The following CCBE1 variants were observed in gnomAD, a reference collection of about 807,000 sequenced individuals.
CCBE1 encodes the protein collagen and calcium binding EGF domains 1.
In CCBE1, 37 loss-of-function variants were observed where a neutral mutation model predicts 50.0. That is an observed-to-expected ratio of 0.74 (90% CI 0.57 to 0.97). The LOEUF is 0.97. Among genes scored for constraint, CCBE1 ranks in the 50% least tolerant of loss-of-function variants. The probability of loss-of-function intolerance (pLI) is 0.00; values close to 1 mark genes in which losing one functional copy is unlikely to be tolerated. For synonymous variants in CCBE1, 234 were observed against 203.7 expected (o/e 1.15, Z -1.27); for missense variants, 538 against 523.8 (o/e 1.03, Z -0.26).
In CCBE1 at chr18:59,697,356, G is replaced by C; in HGVS notation, c.-14C>G. 2 of 1,544,756 alleles carry C rather than the reference G, an allele frequency of 1.3e-6. No individual in the cohort carries two copies. The highest frequency in any genetic ancestry group is 2.4e-5 in the South Asian group (2 of 83,912). On this transcript the variant is annotated 5_prime_UTR_variant, in exon 1 of 11. Transcript: ENST00000439986. ...CGGCGGCACCATCAGGGAAGCTCCC[G>C]GCTTCTTCCCAGCGCCGAGCTCCGT...
At chr18:59,493,943 CTCTT>C (rs1417275440) in intron 2 of CCBE1, among the ~76,000 whole-genome samples, 8 of 152,172 alleles carry the variant, frequency 5.3e-5, no homozygotes, top group African/African-American at 1.2e-4. Context: ...CAAGCTCTCT[CTCTT>C]TGCCTGCCAC....
At chr18:59,438,272 A>G (rs1910253151) in intron 9 of CCBE1, 126 bp from the exon 10 acceptor site, 1 of 886,648 alleles carries the variant, frequency 1.1e-6, no homozygotes, top group African/African-American at 1.7e-5. Context: ...TAGAAAACAT[A>G]TGTAAAACTG....
intron 7 of CCBE1, among the ~76,000 whole-genome samples, chr18:59,440,250 A>G (rs948209358): frequency 2.0e-5 from 3 of 152,168 alleles, no homozygotes; most frequent in African/African-American, 7.2e-5. Flanking sequence ...AGCATCAGGG[A>G]GACTTGGGTT....
chr18:59,506,970 GC>G (rs1049174081), intron 2 of CCBE1, among the ~76,000 whole-genome samples: 1 of 151,998 alleles, frequency 6.6e-6, no homozygotes, highest in African/African-American at 2.4e-5. Context: ...CTCTCTTTCA[GC>G]CCCTCTACTC....
chr18:59,691,051 A>C (rs1344449950), intron 2 of CCBE1, among the ~76,000 whole-genome samples: 1 of 152,264 alleles, frequency 6.6e-6, no homozygotes, highest in Non-Finnish European at 1.5e-5. Flanking sequence ...TGGTTTTTAG[A>C]AGAGTCTTCC....
intron 2 of CCBE1, among the ~76,000 whole-genome samples, chr18:59,500,785 C>T (rs1225180398): frequency 6.6e-6 from 1 of 152,218 alleles, no homozygotes; most frequent in Non-Finnish European, 1.5e-5. Flanking sequence ...ACCACACACT[C>T]AGGACCTGCT....
intron 2 of CCBE1, among the ~76,000 whole-genome samples, chr18:59,632,299 T>C (rs868001396): frequency 1.3e-5 from 2 of 152,318 alleles, no homozygotes; most frequent in Non-Finnish European, 1.5e-5. Flanking sequence ...GGGAACAATC[T>C]GGTTTTTTTG....
At chr18:59,679,914 A>T (rs2054562373) in intron 2 of CCBE1, among the ~76,000 whole-genome samples, 1 of 152,178 alleles carries the variant, frequency 6.6e-6, no homozygotes, top group African/African-American at 2.4e-5. Context: ...GGTAAGAGAC[A>T]TGGTTACATT....
At chr18:59,521,626 G>C (rs1332194859) in intron 2 of CCBE1, among the ~76,000 whole-genome samples, 1 of 152,120 alleles carries the variant, frequency 6.6e-6, no homozygotes, top group Admixed American at 6.6e-5. Flanking sequence ...TACCTCGTTT[G>C]AGGCTCAGGT....
chr18:59,672,860 G>T (rs974655950), intron 2 of CCBE1, among the ~76,000 whole-genome samples: 15 of 152,274 alleles, frequency 9.9e-5, no homozygotes, highest in African/African-American at 3.6e-4. Context: ...TGGGGGGAAG[G>T]GTGGGAAGGA....
intron 2 of CCBE1, among the ~76,000 whole-genome samples, chr18:59,623,643 C>A (rs1207721010): frequency 6.6e-6 from 1 of 152,120 alleles, no homozygotes; most frequent in East Asian, 1.9e-4. Flanking sequence ...CCTGTACGTG[C>A]TAGGAGACCC....
chr18:59,692,862 C>G (rs2054751147), intron 2 of CCBE1, among the ~76,000 whole-genome samples: 1 of 144,082 alleles, frequency 6.9e-6, no homozygotes. Context: ...ACTTAGCCTC[C>G]ACGTGGAGTT....
chr18:59,483,242 G>GA (rs11356777), intron 2 of CCBE1, among the ~76,000 whole-genome samples: 1 of 138,184 alleles, frequency 7.2e-6, no homozygotes, highest in Non-Finnish European at 1.6e-5. Context: ...AAAATGTGAT[G>GA]AAAAAAATTA....
At chr18:59,591,761 A>G (rs1275757592) in intron 2 of CCBE1, among the ~76,000 whole-genome samples, 1 of 152,210 alleles carries the variant, frequency 6.6e-6, no homozygotes, top group East Asian at 1.9e-4. Flanking sequence ...TAAAACAGAA[A>G]CTACAAGTCC....
chr18:59,571,590 G>A (rs151032375), intron 2 of CCBE1, among the ~76,000 whole-genome samples: 68 of 152,164 alleles, frequency 4.5e-4, no homozygotes, highest in African/African-American at 1.5e-3. Context: ...AAACCTGCAC[G>A]TTGTGCGCAT....
intron 6 of CCBE1, among the ~76,000 whole-genome samples, chr18:59,451,489 C>T (rs1910930087): frequency 2.0e-5 from 3 of 149,592 alleles, no homozygotes; most frequent in African/African-American, 7.4e-5. Flanking sequence ...TTTAAGTGCT[C>T]TCGCGGGACA....
At chr18:59,650,848 C>A (rs1249651496) in intron 2 of CCBE1, among the ~76,000 whole-genome samples, 1 of 151,418 alleles carries the variant, frequency 6.6e-6, no homozygotes, top group Admixed American at 6.6e-5. Context: ...CCTCGGTGGC[C>A]AAGCAGAAGC....
intron 2 of CCBE1, among the ~76,000 whole-genome samples, chr18:59,673,652 G>A (rs1003320678): frequency 6.6e-6 from 1 of 152,166 alleles, no homozygotes; most frequent in Non-Finnish European, 1.5e-5. Flanking sequence ...TTAACATGAA[G>A]CAGTGTTGAA....
intron 2 of CCBE1, among the ~76,000 whole-genome samples, chr18:59,689,474 C>G (rs1375224456): frequency 6.6e-6 from 1 of 152,206 alleles, no homozygotes; most frequent in African/African-American, 2.4e-5. Flanking sequence ...TACCTTAAAG[C>G]TAGAAAGATG....
Sources: gnomAD v4.1 joint callset for allele counts (sites outside exome capture counted in the v4.1 genomes callset) on GRCh38, gnomAD v4.1.1 for gene constraint, MANE v1.5 for transcripts, NCBI Gene and HGNC (gene_info 2026-07-23, HGNC 2026-07-21) for gene names.